The following ZSCAN23 variants were observed in gnomAD, a reference collection of about 807,000 sequenced individuals.
ZSCAN23 encodes zinc finger and SCAN domain-containing protein 23.
Under a neutral mutation model 19.3 loss-of-function variants are expected in ZSCAN23, and 19 were observed. That is an observed-to-expected ratio of 0.99 (90% CI 0.69 to 1.45). The LOEUF (loss-of-function observed/expected upper bound fraction) is 1.45. ZSCAN23 is among the 40% of genes most tolerant of loss of function. The pLI, the probability that ZSCAN23 is intolerant of heterozygous loss-of-function variation, is 0.00. For missense variants in ZSCAN23, 372 were observed against 462.5 expected (o/e 0.80, Z 1.79); for synonymous variants, 140 against 166.2 (o/e 0.84, Z 1.21).
chr6:28,434,982 C>T lies in ZSCAN23; in HGVS notation c.653G>A (p.Gly218Asp). The T allele has an allele frequency of 6.4e-7, 1 of 1,551,752 alleles. No homozygotes were observed. The highest frequency in any genetic ancestry group is 8.7e-7 in the Non-Finnish European group (1 of 1,147,018). The stretch of plus-strand genomic sequence containing the variant: ...ATACTCAGGAATCTGAGTAATATTA[C>T]CATTCTGTTTTCCAAGAACTTGTAT... ...SLIQVLGKQN[G>D]NITQIPEYGD... Residue 218 changes from glycine to aspartate, a missense_variant, in exon 4 of 4, where the codon GGT (glycine) becomes GAT (aspartate). Physicochemically the swap from Gly to Asp is moderately conservative, Grantham distance 94. Transcript: ENST00000289788.
At chr6:28,428,492 A>T (rs1409648802), downstream of ZSCAN23, among the ~76,000 whole-genome samples, 1 of 152,146 alleles carries the variant, frequency 6.6e-6, no homozygotes, top group Non-Finnish European at 1.5e-5. Context: ...CACTTTCATC[A>T]ATCTAATTAG....
In ZSCAN23 at chr6:28,434,836, G is replaced by C. The variant is rs1041184196; in HGVS notation, c.799C>G (p.His267Asp). The change falls in exon 4 of 4, where the codon CAC (histidine) becomes GAC (aspartate). Residue 267 changes from histidine to aspartate, a missense_variant. By Grantham distance (81) the His-to-Asp change is moderately conservative. Transcript: ENST00000289788. ...TTCTCACCTGTGTGTGTTCTCTGGT[G>C]CTCGATAAGGATGGAATTCTGGGTG... is the stretch of plus-strand genomic sequence containing the variant. ...SFTQNSILIE[H>D]QRTHTGEKPY... The C allele has an allele frequency of 2.8e-5, 44 of 1,589,536 alleles. No individual in the cohort carries two copies. Among genetic ancestry groups the C allele is most frequent in the Non-Finnish European group, 3.6e-5 (42 of 1,167,774 alleles).
At chr6:28,441,946 G>A (rs1185928301) in intron 1 of ZSCAN23, among the ~76,000 whole-genome samples, 2 of 146,788 alleles carry the variant, frequency 1.4e-5, no homozygotes, top group Non-Finnish European at 3.0e-5. Context: ...GTGCGATCTC[G>A]GCTCACTTGC....
At chr6:28,435,329 C>G in intron 3 of ZSCAN23, 131 bp downstream of exon 3, 1 of 1,282,898 alleles carries the variant, frequency 7.8e-7, no homozygotes, top group Non-Finnish European at 1.1e-6. Context: ...GGGACCACAT[C>G]TGCCTTGTTT....
At chr6:28,422,855 A>G in the ZSCAN23 span, among the ~76,000 whole-genome samples, 1 of 152,238 alleles carries the variant, frequency 6.6e-6, no homozygotes, top group Admixed American at 6.5e-5. The surrounding 1 kb of genome is among the most constrained non-coding windows in gnomAD (Gnocchi z 4.0). Context: ...GACAAGGTTC[A>G]TTTGGAAAAA....
chr6:28,442,284 T>C (rs1393699640), intron 1 of ZSCAN23, among the ~76,000 whole-genome samples: 1 of 152,212 alleles, frequency 6.6e-6, no homozygotes, highest in Non-Finnish European at 1.5e-5. Flanking sequence ...TTGTTGAGAA[T>C]ATTAAATGAG....
At chr6:28,441,147 G>A (rs1211648022) in intron 1 of ZSCAN23, among the ~76,000 whole-genome samples, 1 of 152,220 alleles carries the variant, frequency 6.6e-6, no homozygotes, top group Admixed American at 6.5e-5. Context: ...ATGGAAGGAT[G>A]CTGTTAACCA....
At position 28,433,772 on chromosome 6, in the gene ZSCAN23, G is replaced by A. The variant is rs1761810706; in HGVS notation, c.*693C>T. The A allele has an allele frequency of 6.6e-6, 1 of 152,066 alleles. No homozygotes were observed. The highest frequency in any genetic ancestry group is 2.4e-5 in the African/African-American group (1 of 41,426). 9.4% of individuals were successfully genotyped at this position (152,066 alleles called of 1,614,324 possible). A position where few individuals can be genotyped will look rare whatever the true frequency, so the allele number is the denominator to read the frequency against. ...TTACGGGAAAAATACAAAGAGGCCT[G>A]TATTTTCCAATAAGAAATCTGAGGT... On this transcript the variant is annotated 3_prime_UTR_variant, in exon 4 of 4. Coordinates refer to ENST00000289788, the MANE Select transcript of ZSCAN23 (RefSeq NM_001012455.2).
At chr6:28,440,517 G>A (rs985095929) in intron 1 of ZSCAN23, among the ~76,000 whole-genome samples, 1 of 151,966 alleles carries the variant, frequency 6.6e-6, no homozygotes, top group Non-Finnish European at 1.5e-5. Context: ...AAAGTTTTGT[G>A]GTAGAAATAT....
chr6:28,435,774 A>AAT, intron 2 of ZSCAN23, 85 bp downstream of exon 2: 1 of 1,403,204 alleles, frequency 7.1e-7, no homozygotes, highest in Non-Finnish European at 9.5e-7. Context: ...TAAAAAAAAA[A>AAT]TCCTCCTCCT....
downstream of ZSCAN23, among the ~76,000 whole-genome samples, chr6:28,430,998 T>C (rs1417449433): frequency 6.6e-6 from 1 of 152,080 alleles, no homozygotes; most frequent in African/African-American, 2.4e-5. Context: ...AACACTCCTG[T>C]GCTTCCAGGA....
chr6:28,435,647 G>A (rs748886394), intron 2 of ZSCAN23, 40 bp from the exon 3 acceptor site: 18 of 1,532,722 alleles, frequency 1.2e-5, no homozygotes, highest in Non-Finnish European at 3.5e-6. Context: ...CAATATCAGA[G>A]AGAACATGGC....
chr6:28,431,669 G>A (rs145430196), downstream of ZSCAN23, among the ~76,000 whole-genome samples: 5 of 133,404 alleles, frequency 3.7e-5, no homozygotes, highest in East Asian at 8.3e-4. Context: ...AAAAATCACA[G>A]TGGTTTATAG....
intron 1 of ZSCAN23, among the ~76,000 whole-genome samples, chr6:28,437,963 TTG>T (rs1270401203): frequency 4.0e-5 from 6 of 151,862 alleles, no homozygotes; most frequent in Non-Finnish European, 5.9e-5. Flanking sequence ...ATGTGGTGGG[TTG>T]TGACACACCA....
the ZSCAN23 span, among the ~76,000 whole-genome samples, chr6:28,423,885 TG>T: frequency 6.6e-6 from 1 of 151,948 alleles, no homozygotes; most frequent in African/African-American, 2.4e-5. Flanking sequence ...AAAATTTCTG[TG>T]AAAGATAAAT....
chr6:28,439,675 T>TTA (rs1761963546), intron 1 of ZSCAN23, among the ~76,000 whole-genome samples: 1 of 152,140 alleles, frequency 6.6e-6, no homozygotes, highest in Non-Finnish European at 1.5e-5. Context: ...TACAGATGCT[T>TTA]TATATATATT....
chr6:28,436,049 C>T lies in ZSCAN23; in HGVS notation c.218G>A (p.Cys73Tyr), dbSNP rs1761879034. ...CATCTCTGGTCTCAGCCACTGATGG[C>T]AGAGCTCCTGGAGTCTTTGAAGAGC... ...REALQRLQELCHQWLRPEMHT... is the reference protein window; with the variant it reads ...REALQRLQELYHQWLRPEMHT... Residue 73 changes from cysteine to tyrosine, a missense_variant, in exon 2 of 4, where the codon TGC becomes TAC. Coordinates refer to ENST00000289788, the MANE Select transcript of ZSCAN23 (RefSeq NM_001012455.2). 2 of 1,614,080 alleles carry T rather than the reference C, an allele frequency of 1.2e-6. No individual in the cohort carries two copies. The highest frequency in any genetic ancestry group is 1.7e-5 in the Admixed American group (1 of 60,008).
chr6:28,441,745 T>C (rs976213908), intron 1 of ZSCAN23, among the ~76,000 whole-genome samples: 4 of 152,004 alleles, frequency 2.6e-5, no homozygotes, highest in Admixed American at 2.6e-4. Context: ...TCTATGCATT[T>C]GCAATCGTAT....
downstream of ZSCAN23, among the ~76,000 whole-genome samples, chr6:28,429,059 A>G (rs956533848): frequency 1.3e-5 from 2 of 152,064 alleles, no homozygotes; most frequent in Non-Finnish European, 2.9e-5. Flanking sequence ...CCTCCTTCAC[A>G]TACTATAACT....
Sources: allele counts gnomAD v4.1 joint callset (sites outside exome capture counted in the v4.1 genomes callset), GRCh38; gene constraint gnomAD v4.1.1; non-coding constraint Gnocchi (gnomAD v3.1); transcripts MANE v1.5; gene names NCBI Gene and HGNC (gene_info 2026-07-23, HGNC 2026-07-21).